Variants in CEP85L observed in about 807,000 individuals in gnomAD.
CEP85L encodes centrosomal protein 85L.
A neutral mutation model predicts 100.3 loss-of-function variants in CEP85L; 60 were observed. That is an observed-to-expected ratio of 0.60 (90% CI 0.49 to 0.74). The LOEUF (loss-of-function observed/expected upper bound fraction) is 0.74. Among genes scored for constraint, CEP85L ranks in the 30% least tolerant of loss-of-function variants. The probability of loss-of-function intolerance (pLI) is 0.00; values close to 1 mark genes in which losing one functional copy is unlikely to be tolerated. For missense variants in CEP85L, 973 were observed against 936.2 expected, an observed-to-expected ratio of 1.04 and a Z score of -0.51; for synonymous variants, 319 against 322.7, an observed-to-expected ratio of 0.99 and a Z score of 0.12.
At chr6:118,635,045 G>A (rs1431806082) in intron 1 of CEP85L, among the ~76,000 whole-genome samples, 5 of 152,154 alleles carry the variant, frequency 3.3e-5, no homozygotes, top group African/African-American at 1.2e-4. Flanking sequence ...GTATATTTTT[G>A]TGGCCTTGCA....
Position 118,481,829 on chromosome 6 carries a change from C to G in CEP85L, c.1695G>C (p.Gln565His). The stretch of plus-strand genomic sequence containing the variant: ...TTTCTTTCTTTTTCTGGCATATTAA[C>G]TGTGTCTCTTTATCTTGACACTGCT... ...IKKQCQDKET[Q>H]LICQKKKEKE... Residue 565 changes from glutamine (Q) to histidine (H), a missense_variant, in exon 8 of 13, where the codon CAG becomes CAC. Around this residue, in one of 3 missense-constraint regions of CEP85L, gnomAD observed 890 missense variants for 844.5 expected, o/e 1.05. Coordinates refer to ENST00000368491, the MANE Select transcript of CEP85L (RefSeq NM_001042475.3). 6.3e-7 allele frequency: 1 copy of G among 1,599,444 alleles called. No homozygotes were observed. The highest frequency in any genetic ancestry group is 8.5e-7 in the Non-Finnish European group (1 of 1,172,812).
intron 1 of CEP85L, among the ~76,000 whole-genome samples, chr6:118,661,533 C>T (rs1347055220): frequency 2.7e-4 from 41 of 151,014 alleles, no homozygotes; most frequent in Non-Finnish European, 1.5e-5. Flanking sequence ...ATTCAGAATC[C>T]TTAAGGGTTT....
chr6:118,515,086 G>A (rs1201738698), intron 4 of CEP85L, among the ~76,000 whole-genome samples: 1 of 151,942 alleles, frequency 6.6e-6, no homozygotes, highest in African/African-American at 2.4e-5. Context: ...TGGAATTACA[G>A]ATGTGCGCCA....
intron 3 of CEP85L, among the ~76,000 whole-genome samples, chr6:118,545,497 A>G (rs1778143498): frequency 6.6e-6 from 1 of 152,182 alleles, no homozygotes; most frequent in South Asian, 2.1e-4. Context: ...CTGAGGCAGG[A>G]GAATCGCTTG....
Position 118,517,535 on chromosome 6 carries a change from C to T in CEP85L, c.1140-6120G>A, listed in dbSNP as rs577727363. On this transcript the variant is annotated intron_variant, in intron 4 of 12. Coordinates refer to ENST00000368491, the MANE Select transcript of CEP85L (RefSeq NM_001042475.3). ...GAATGAGTTCACTCATGATTTGCCT[C>T]TCTGTTTGTCTGTTATTGGTGTATA... Among the ~76,000 whole-genome samples the T allele has an allele frequency of 1.6e-4, 25 of 152,270 alleles. 1 individual carries two copies. In the South Asian group the frequency reaches 5.2e-3, roughly 32 times the overall value.
At position 118,465,047 on chromosome 6, in the gene CEP85L, A is replaced by G; in HGVS notation, c.*358T>C. On this transcript the variant is annotated 3_prime_UTR_variant, in exon 13 of 13. Coordinates refer to ENST00000368491, the MANE Select transcript of CEP85L (RefSeq NM_001042475.3). ...TAAAGCACGTGCACACACACACAACAACACACATACATGCACACACAAACA... is the reference window on the plus strand; with the variant it reads ...TAAAGCACGTGCACACACACACAACGACACACATACATGCACACACAAACA... The G allele has an allele frequency of 5.6e-6, 1 of 177,412 alleles. No homozygotes were observed. The highest frequency in any genetic ancestry group is 1.2e-5 in the Non-Finnish European group (1 of 84,372). The allele number at this position is 177,412 out of a possible 1,614,324, so 11.0% of individuals were successfully genotyped here.
At chr6:118,703,555 T>C (rs926649762) in intron 1 of CEP85L, among the ~76,000 whole-genome samples, 2 of 152,232 alleles carry the variant, frequency 1.3e-5, no homozygotes, top group African/African-American at 4.8e-5. Flanking sequence ...CTATTTTATA[T>C]GCAGAAAAAC....
In CEP85L at chr6:118,469,145, T is replaced by C. The variant is rs1334476538; in HGVS notation, c.2181A>G (p.Lys727=). 1 of 1,614,034 alleles carries C rather than the reference T, an allele frequency of 6.2e-7. No homozygotes were observed. The highest frequency in any genetic ancestry group is 8.5e-7 in the Non-Finnish European group (1 of 1,179,924). ...KEMSCCLFDL[K]ALCSILNQRA... The stretch of plus-strand genomic sequence containing the variant: ...GCTGATTAAGAATACTACACAATGC[T>C]TTCAAGTCAAACAAACAACAGGACA... The change falls in exon 12 of 13, where the codon AAA becomes AAG. Residue 727 remains lysine, a synonymous_variant. Coordinates refer to ENST00000368491, the MANE Select transcript of CEP85L (RefSeq NM_001042475.3).
In CEP85L at chr6:118,488,372, A is replaced by C. The variant is rs79537395; in HGVS notation, c.1437+3314T>G. Among the ~76,000 whole-genome samples, 30 of 152,122 alleles carry C rather than the reference A, an allele frequency of 2.0e-4. 1 individual carries two copies. The East Asian group carries it at 5.4e-3, about 28-fold the overall frequency. On this transcript the variant is annotated intron_variant, in intron 6 of 12. Transcript: ENST00000368491. Reference sequence around the variant, plus strand: ...ACTTTACCAAACAAATCTTGGAACTAAAAAATATAATAACTGAAATAAAAA... The same window carrying C: ...ACTTTACCAAACAAATCTTGGAACTCAAAAATATAATAACTGAAATAAAAA...
intron 5 of CEP85L, among the ~76,000 whole-genome samples, chr6:118,495,739 A>G (rs1299278700): frequency 6.6e-6 from 1 of 152,220 alleles, no homozygotes; most frequent in Admixed American, 6.5e-5. Context: ...GAGACGCTGC[A>G]GTTCAAAAGG....
intron 7 of CEP85L, 102 bp from the exon 8 acceptor site, chr6:118,482,035 A>T: frequency 9.0e-6 from 2 of 223,160 alleles, no homozygotes; most frequent in Non-Finnish European, 1.5e-5. Flanking sequence ...TTGTAGCTAA[A>T]AAAAAAAAAA....
Position 118,470,795 on chromosome 6 carries a change from T to A in CEP85L, c.1915-151A>T, listed in dbSNP as rs1582851215. On this transcript the variant is annotated intron_variant, in intron 10 of 12. Transcript: ENST00000368491. ...GATGAAGCCTTCACTTTTAAACTAA[T>A]CCCTATCAGTTAGAGAGTGGCTGAA... 1.1e-5 allele frequency: 5 copies of A among 436,566 alleles called. No individual in the cohort carries two copies. In the Admixed American group the frequency reaches 2.1e-4, roughly 19 times the overall value. 27.0% of individuals were successfully genotyped at this position (436,566 alleles called of 1,614,324 possible). A position where few individuals can be genotyped will look rare whatever the true frequency, so the allele number is the denominator to read the frequency against.
At chr6:118,600,300 G>GGTGTGTGT (rs59278037) in intron 2 of CEP85L, among the ~76,000 whole-genome samples, 545 of 52,156 alleles carry the variant, frequency 0.01, 53 homozygotes, top group East Asian at 0.028. Context: ...CCTTCCTGGG[G>GGTGTGTGT]GTGTGTGTGT....
Position 118,491,752 on chromosome 6 carries a change from C to T in CEP85L, c.1371G>A (p.Gln457=). 3 of 1,613,220 alleles carry T rather than the reference C, an allele frequency of 1.9e-6. No individual in the cohort carries two copies. Among genetic ancestry groups the T allele is most frequent in the Non-Finnish European group, 2.5e-6 (3 of 1,179,550 alleles). The change falls in exon 6 of 13, where the codon CAG becomes CAA. Residue 457 remains glutamine, a synonymous_variant. Coordinates refer to ENST00000368491, the MANE Select transcript of CEP85L (RefSeq NM_001042475.3). ...KLASTEKEVL[Q]LNEFLKQRLS... ...GTCTTTGTTTGAGAAACTCATTAAG[C>T]TGTAAAACTTCTTTCTCAGTAGATG...
intron 2 of CEP85L, among the ~76,000 whole-genome samples, chr6:118,628,649 CAAA>C (rs1379819235): frequency 2.0e-5 from 3 of 151,434 alleles, no homozygotes; most frequent in Non-Finnish European, 4.4e-5. Context: ...AACAAACAAA[CAAA>C]CAAACAAACA....
upstream of CEP85L, chr6:118,652,850 T>C: frequency 1.2e-6 from 1 of 812,018 alleles, no homozygotes. Flanking sequence ...ACGAATGTGA[T>C]TGGTTCCTTT....
At chr6:118,563,307 T>C (rs924116062) in intron 3 of CEP85L, among the ~76,000 whole-genome samples, 6 of 152,186 alleles carry the variant, frequency 3.9e-5, no homozygotes, top group Non-Finnish European at 8.8e-5. Context: ...ATAATTATTC[T>C]GGACTAAGTC....
chr6:118,530,166 A>T (rs1250600131), intron 3 of CEP85L, among the ~76,000 whole-genome samples: 1 of 152,192 alleles, frequency 6.6e-6, no homozygotes, highest in African/African-American at 2.4e-5. Flanking sequence ...TTAAGAATAA[A>T]TGGAGACATA....
chr6:118,698,767 C>T (rs775774492), intron 1 of CEP85L, among the ~76,000 whole-genome samples: 1 of 151,426 alleles, frequency 6.6e-6, no homozygotes, highest in Non-Finnish European at 1.5e-5. Context: ...AGCACAGTGA[C>T]CTTCAGCTCT....
Sources: gnomAD v4.1 joint callset for allele counts (sites outside exome capture counted in the v4.1 genomes callset) on GRCh38, gnomAD v4.1.1 for gene constraint, gnomAD v4.1.1 regional missense constraint, MANE v1.5 for transcripts, NCBI Gene and HGNC (gene_info 2026-07-23, HGNC 2026-07-21) for gene names.